POU6F2: variants seen among roughly 807,000 people sequenced by gnomAD.
The protein encoded by POU6F2 is POU class 6 homeobox 2.
Under a neutral mutation model 71.3 loss-of-function variants are expected in POU6F2, and 31 were observed. The observed-to-expected ratio is 0.43, with a 90% confidence interval of 0.33 to 0.59. The LOEUF (loss-of-function observed/expected upper bound fraction) is 0.59, where lower values mean the gene tolerates loss of function less well. POU6F2 is among the 20% of genes least tolerant of loss of function. The pLI, the probability that POU6F2 is intolerant of heterozygous loss-of-function variation, is 0.04. For missense variants in POU6F2, 783 were observed against 856.8 expected, an observed-to-expected ratio of 0.91 and a Z score of 1.07; for synonymous variants, 347 against 355.7, an observed-to-expected ratio of 0.98 and a Z score of 0.27.
intron 5 of POU6F2, among the ~76,000 whole-genome samples, chr7:39,372,854 G>A (rs1045680905): frequency 1.4e-4 from 22 of 151,918 alleles, no homozygotes; most frequent in East Asian, 5.8e-4. Context: ...GGCCAGATTC[G>A]GCCCATGAGC....
chr7:39,418,040 C>T (rs918256479), intron 6 of POU6F2, among the ~76,000 whole-genome samples: 1 of 152,214 alleles, frequency 6.6e-6, no homozygotes, highest in South Asian at 2.1e-4. Context: ...TACTACCACA[C>T]ACAATATGGT....
chr7:38,995,277 G>A (rs1237662221), intron 1 of POU6F2, among the ~76,000 whole-genome samples: 2 of 152,148 alleles, frequency 1.3e-5, no homozygotes, highest in Admixed American at 6.5e-5. Context: ...AAAAGATATT[G>A]TTAAAGAAGC....
intron 2 of POU6F2, among the ~76,000 whole-genome samples, chr7:39,087,187 T>A (rs1001061955): frequency 4.5e-4 from 65 of 144,712 alleles, no homozygotes; most frequent in African/African-American, 1.6e-3. Context: ...TTTATTTATT[T>A]ATTTATTTAT....
chr7:39,456,711 A>G (rs1187467145), intron 8 of POU6F2, among the ~76,000 whole-genome samples: 2 of 152,256 alleles, frequency 1.3e-5, no homozygotes, highest in African/African-American at 2.4e-5. Context: ...GAACACTAAT[A>G]TAAAGAAATC....
chr7:39,230,954 A>C (rs1259551269), intron 4 of POU6F2, among the ~76,000 whole-genome samples: 6 of 152,202 alleles, frequency 3.9e-5, no homozygotes, highest in Non-Finnish European at 5.9e-5. Context: ...CTACTCCCCC[A>C]GGGTCACTTG....
At chr7:39,288,640 C>T (rs1385292080) in intron 4 of POU6F2, among the ~76,000 whole-genome samples, 1 of 152,144 alleles carries the variant, frequency 6.6e-6, no homozygotes, top group African/African-American at 2.4e-5. Flanking sequence ...AGTTTTCAAC[C>T]CATTCCCTAA....
At chr7:39,381,691 A>G (rs1479962898) in intron 5 of POU6F2, among the ~76,000 whole-genome samples, 1 of 152,206 alleles carries the variant, frequency 6.6e-6, no homozygotes, top group Non-Finnish European at 1.5e-5. Flanking sequence ...TGATTTGTAC[A>G]TATAGGTGTT....
chr7:39,381,646 C>A (rs1007428842), intron 5 of POU6F2, among the ~76,000 whole-genome samples: 3 of 152,140 alleles, frequency 2.0e-5, no homozygotes, highest in African/African-American at 7.2e-5. Context: ...TCAAGAGAAC[C>A]CCAATGAAGT....
At chr7:39,225,891 C>T (rs910249459) in intron 4 of POU6F2, among the ~76,000 whole-genome samples, 5 of 151,108 alleles carry the variant, frequency 3.3e-5, no homozygotes, top group Admixed American at 6.6e-5. Flanking sequence ...AACACACCCG[C>T]GTTTTTGGGG....
intron 1 of POU6F2, among the ~76,000 whole-genome samples, chr7:39,073,143 T>C (rs1026621723): frequency 4.6e-5 from 7 of 152,210 alleles, no homozygotes; most frequent in Non-Finnish European, 1.0e-4. Context: ...GCATCAGTTT[T>C]GTCTTAAGTA....
chr7:39,435,471 A>G (rs773057977), intron 7 of POU6F2, among the ~76,000 whole-genome samples: 4 of 151,694 alleles, frequency 2.6e-5, no homozygotes, highest in Non-Finnish European at 4.4e-5. Flanking sequence ...CCACTTTTTC[A>G]TGGGATTGTT....
At chr7:39,182,657 C>T (rs1323504145) in intron 2 of POU6F2, among the ~76,000 whole-genome samples, 1 of 152,104 alleles carries the variant, frequency 6.6e-6, no homozygotes, top group African/African-American at 2.4e-5. Flanking sequence ...AATGTTTCTC[C>T]TCGGTTTAAC....
rs1334678709 is a variant in POU6F2, at chr7:39,433,137, A to G, written c.1174A>G (p.Thr392Ala). The G allele has an allele frequency of 6.2e-7, 1 of 1,613,500 alleles. No individual in the cohort carries two copies. Among genetic ancestry groups the G allele is most frequent in the Non-Finnish European group, 8.5e-7 (1 of 1,179,698 alleles). ...PGPSSQAASG[T>A]QGLQVQPITP... ...GCCATCGAGCCAAGCAGCAAGCGGCACTCAGGGCTTGCAAGTGCAGCCAAT... is the reference window on the plus strand; with the variant it reads ...GCCATCGAGCCAAGCAGCAAGCGGCGCTCAGGGCTTGCAAGTGCAGCCAAT... Residue 392 changes from threonine to alanine, a missense_variant, in exon 7 of 10, where the codon ACT becomes GCT. Physicochemically the swap from Thr to Ala is moderately conservative, Grantham distance 58. Transcript: ENST00000518318.
At chr7:39,046,603 T>C (rs909738830) in intron 1 of POU6F2, among the ~76,000 whole-genome samples, 2 of 151,958 alleles carry the variant, frequency 1.3e-5, no homozygotes, top group Non-Finnish European at 2.9e-5. Flanking sequence ...AATAGCAGCA[T>C]TCTTGATATG....
chr7:39,066,410 G>A (rs2030960), intron 1 of POU6F2, among the ~76,000 whole-genome samples: 38,227 of 151,466 alleles, frequency 0.25, 5,569 homozygotes, highest in East Asian at 0.73. Context: ...TAGTGAAAAG[G>A]GGACATCTAT....
At chr7:39,319,890 G>A (rs931278772) in intron 4 of POU6F2, among the ~76,000 whole-genome samples, 1 of 152,180 alleles carries the variant, frequency 6.6e-6, no homozygotes, top group Non-Finnish European at 1.5e-5. Context: ...TCATATTTCT[G>A]TATAAGATAA....
At chr7:39,332,484 G>A (rs1437653054) in intron 4 of POU6F2, among the ~76,000 whole-genome samples, 1 of 152,182 alleles carries the variant, frequency 6.6e-6, no homozygotes, top group Admixed American at 6.5e-5. Context: ...ATAAAATTAT[G>A]TAAAGAGAAG....
intron 1 of POU6F2, among the ~76,000 whole-genome samples, chr7:39,070,927 C>T (rs1790866519): frequency 6.6e-6 from 1 of 152,136 alleles, no homozygotes; most frequent in African/African-American, 2.4e-5. Context: ...ATGAGGTGTT[C>T]CCATCACTTA....
intron 5 of POU6F2, among the ~76,000 whole-genome samples, chr7:39,369,473 G>A (rs186740813): frequency 3.7e-4 from 56 of 151,378 alleles, no homozygotes; most frequent in Non-Finnish European, 6.6e-4. Context: ...GAATTCTCCC[G>A]CCTCAGCCTC....
Sources: allele counts gnomAD v4.1 joint callset (sites outside exome capture counted in the v4.1 genomes callset), GRCh38; gene constraint gnomAD v4.1.1; transcripts MANE v1.5; gene names NCBI Gene and HGNC (gene_info 2026-07-23, HGNC 2026-07-21).